NKAIN3: variants seen among roughly 807,000 people sequenced by gnomAD.
NKAIN3 encodes sodium/potassium transporting ATPase interacting 3.
A neutral mutation model predicts 30.2 loss-of-function variants in NKAIN3; 25 were observed. The observed-to-expected ratio is 0.83, with a 90% CI of 0.60 to 1.16. The LOEUF is 1.16. Among genes scored for constraint, NKAIN3 ranks in the 50% most tolerant of loss-of-function variants. The pLI is 0.00. For synonymous variants in NKAIN3, 91 were observed against 89.6 expected (o/e 1.02, Z -0.09); for missense variants, 225 against 254.1 (o/e 0.89, Z 0.78).
chr8:62,920,954 C>A (rs1822257967), intron 5 of NKAIN3, among the ~76,000 whole-genome samples: 1 of 152,052 alleles, frequency 6.6e-6, no homozygotes, highest in Non-Finnish European at 1.5e-5. Flanking sequence ...AGGTAGGAAA[C>A]AAAAGTGCAG....
At chr8:62,838,182 T>C (rs1035437475) in intron 4 of NKAIN3, among the ~76,000 whole-genome samples, 6 of 151,124 alleles carry the variant, frequency 4.0e-5, no homozygotes, top group Admixed American at 2.6e-4. Context: ...TGAAATATAC[T>C]CAAGCATATT....
intron 4 of NKAIN3, among the ~76,000 whole-genome samples, chr8:62,787,041 CA>C (rs58551774): frequency 0.17 from 26,518 of 152,058 alleles, 2,506 homozygotes; most frequent in East Asian, 0.29. Flanking sequence ...TAGAGAGCAA[CA>C]AATGCAAGAA....
chr8:62,559,180 G>T (rs1801395778), intron 1 of NKAIN3, among the ~76,000 whole-genome samples: 1 of 151,864 alleles, frequency 6.6e-6, no homozygotes, highest in Admixed American at 6.6e-5. Flanking sequence ...CTAGTTGTTT[G>T]ATTATATTGG....
At chr8:62,622,028 G>C (rs1811630726) in intron 3 of NKAIN3, among the ~76,000 whole-genome samples, 1 of 152,016 alleles carries the variant, frequency 6.6e-6, no homozygotes, top group South Asian at 2.1e-4. Context: ...TTTCAAGAAT[G>C]TTATAGAAAT....
chr8:62,806,248 A>G (rs1818276258), intron 4 of NKAIN3, among the ~76,000 whole-genome samples: 1 of 152,212 alleles, frequency 6.6e-6, no homozygotes, highest in Non-Finnish European at 1.5e-5. Flanking sequence ...CAGTGTGGCG[A>G]TTCCTCAGGG....
At chr8:62,989,435 G>C (rs1394123984), downstream of NKAIN3, among the ~76,000 whole-genome samples, 1 of 152,196 alleles carries the variant, frequency 6.6e-6, no homozygotes, top group African/African-American at 2.4e-5. Flanking sequence ...GTCTTACATG[G>C]TGGCAAGGAA....
chr8:62,679,431 T>C (rs1022214258), intron 3 of NKAIN3, among the ~76,000 whole-genome samples: 1 of 152,204 alleles, frequency 6.6e-6, no homozygotes, highest in Non-Finnish European at 1.5e-5. Flanking sequence ...GATGACCTCA[T>C]CCTAATATTT....
chr8:62,288,555 C>T (rs1813458762), intron 1 of NKAIN3, among the ~76,000 whole-genome samples: 2 of 152,020 alleles, frequency 1.3e-5, no homozygotes, highest in African/African-American at 2.4e-5. Flanking sequence ...TCCATGTCCC[C>T]ATAAAGGACA....
chr8:62,616,089 G>T (rs918641079), intron 3 of NKAIN3, among the ~76,000 whole-genome samples: 2 of 152,010 alleles, frequency 1.3e-5, no homozygotes, highest in African/African-American at 4.8e-5. Context: ...ATGAGAATAG[G>T]TTATGTGAAA....
intron 5 of NKAIN3, among the ~76,000 whole-genome samples, chr8:62,950,330 A>G (rs945886590): frequency 4.6e-5 from 7 of 152,186 alleles, no homozygotes. Context: ...TGCATGCATG[A>G]CAAACTGTTT....
intron 5 of NKAIN3, among the ~76,000 whole-genome samples, chr8:62,993,428 A>G (rs2130935171): frequency 6.6e-6 from 1 of 152,368 alleles, no homozygotes; most frequent in South Asian, 2.1e-4. Flanking sequence ...TTAAGTTTCC[A>G]TAGAATAATA....
chr8:62,296,543 T>A (rs56760890), intron 1 of NKAIN3, among the ~76,000 whole-genome samples: 8,237 of 152,034 alleles, frequency 0.054, 298 homozygotes, highest in African/African-American at 0.099. Flanking sequence ...AACTTTTTTT[T>A]AAAAAAAGAG....
chr8:62,530,832 ATTTCACC>A (rs1368412359), intron 1 of NKAIN3, among the ~76,000 whole-genome samples: 4 of 151,674 alleles, frequency 2.6e-5, no homozygotes, highest in Admixed American at 2.0e-4. Flanking sequence ...TAGAAACGGG[ATTTCACC>A]ATGTTAGCCT....
chr8:62,943,136 T>A (rs1445591593), intron 5 of NKAIN3, among the ~76,000 whole-genome samples: 1 of 152,124 alleles, frequency 6.6e-6, no homozygotes, highest in East Asian at 1.9e-4. Flanking sequence ...GAATTATGCA[T>A]CTGACAAACG....
At chr8:62,367,673 A>G (rs1287383748) in intron 1 of NKAIN3, among the ~76,000 whole-genome samples, 4 of 152,130 alleles carry the variant, frequency 2.6e-5, no homozygotes, top group African/African-American at 7.2e-5. Flanking sequence ...TTTTAAATTT[A>G]TGCACAAAGC....
At chr8:62,875,509 A>G (rs780472964) in intron 4 of NKAIN3, among the ~76,000 whole-genome samples, 2 of 152,086 alleles carry the variant, frequency 1.3e-5, no homozygotes, top group Non-Finnish European at 2.9e-5. Context: ...AACACCTCGT[A>G]TAGTCAAGAC....
rs1280767271 is a variant in NKAIN3 at position 62,471,913 on chromosome 8, C to T, written c.55-107626C>T. Among the ~76,000 whole-genome samples, 3 of 151,978 alleles carry T rather than the reference C, an allele frequency of 2.0e-5. No homozygotes were observed. The East Asian group carries it at 5.8e-4, about 30-fold the overall frequency. ...TGAGCTATGATCGTGCCAGTTAGTGCACTCCAGCTTGCTCCAGCCTGGGTG... is the reference window on the plus strand; with the variant it reads ...TGAGCTATGATCGTGCCAGTTAGTGTACTCCAGCTTGCTCCAGCCTGGGTG... On this transcript the variant is annotated intron_variant, in intron 1 of 6. Coordinates refer to ENST00000623646, the MANE Select transcript of NKAIN3 (RefSeq NM_001304533.3).
intron 4 of NKAIN3, among the ~76,000 whole-genome samples, chr8:62,767,372 T>C (rs1371821601): frequency 6.6e-6 from 1 of 152,072 alleles, no homozygotes; most frequent in Non-Finnish European, 1.5e-5. Context: ...TAGGAGGGCA[T>C]ACACCTGAAG....
In NKAIN3 at chr8:62,810,285, C is replaced by A. The variant is rs148144514; in HGVS notation, c.471+63156C>A. Among the ~76,000 whole-genome samples the A allele has an allele frequency of 7.2e-5, 11 of 152,264 alleles. No individual in the cohort carries two copies. In the East Asian group the frequency reaches 1.9e-3, roughly 27 times the overall value. On this transcript the variant is annotated intron_variant, in intron 4 of 6. Transcript: ENST00000623646. ...TAATTCAGTTTTCAGGCACATTCCA[C>A]TTCTTTTATGATTTGAGGATATCAC...
Sources: gnomAD v4.1 joint callset for allele counts (sites outside exome capture counted in the v4.1 genomes callset) on GRCh38, gnomAD v4.1.1 for gene constraint, MANE v1.5 for transcripts, NCBI Gene and HGNC (gene_info 2026-07-23, HGNC 2026-07-21) for gene names.